DST: variants seen among roughly 807,000 people sequenced by gnomAD.
The protein encoded by DST is dystonin.
A neutral mutation model predicts 875.2 loss-of-function variants in DST; 253 were observed. The ratio of observed to expected loss-of-function variants is 0.29; its 90% CI spans 0.26 to 0.32. The LOEUF (loss-of-function observed/expected upper bound fraction) is 0.32, where lower values mean the gene tolerates loss of function less well. Among genes scored for constraint, DST ranks in the 10% least tolerant of loss-of-function variants. The pLI, the probability that DST is intolerant of heterozygous loss-of-function variation, is 1.00. For synonymous variants in DST, 3,124 were observed against 3,197.1 expected, an observed-to-expected ratio of 0.98 and a Z score of 0.77; for missense variants, 8,287 against 9,111.6, an observed-to-expected ratio of 0.91 and a Z score of 3.68.
intron 4 of DST, among the ~76,000 whole-genome samples, chr6:56,817,511 A>G (rs771597114): frequency 2.0e-5 from 3 of 152,214 alleles, no homozygotes; most frequent in South Asian, 2.1e-4. Context: ...TTTTGTTTCA[A>G]TAGCCTTAGC....
At position 56,494,134 on chromosome 6, in the gene DST, A is replaced by C; in HGVS notation, c.20270T>G (p.Leu6757Arg). Residue 6757 changes from leucine to arginine, a missense_variant, in exon 83 of 104, where the codon CTG (leucine) becomes CGG (arginine). By Grantham distance (102) the Leu-to-Arg change is moderately radical. This residue lies in a region of DST where 1,292 missense variants were observed against 1,552.7 expected (regional missense o/e 0.83). Transcript: ENST00000680361. ...AAGCATCTGCTGGCCTTTCTGCATCAGACTCTTATATGTTTCTTCTTTAGC... is the reference window on the plus strand; with the variant it reads ...AAGCATCTGCTGGCCTTTCTGCATCCGACTCTTATATGTTTCTTCTTTAGC... The part of the protein sequence containing the change: ...FEAKEETYKS[L>R]MQKGQQMLAR... 6.2e-7 allele frequency: 1 copy of C among 1,611,610 alleles called. No homozygotes were observed.
chr6:56,631,530 A>T, intron 29 of DST, 141 bp from the exon 30 acceptor site: 1 of 724,868 alleles, frequency 1.4e-6, no homozygotes, highest in Non-Finnish European at 2.3e-6. Flanking sequence ...TATCAAAGAA[A>T]CTACATCATA....
intron 54 of DST, among the ~76,000 whole-genome samples, chr6:56,569,158 T>TA (rs34813098): frequency 1.0e-4 from 15 of 150,702 alleles, no homozygotes; most frequent in East Asian, 7.8e-4. Flanking sequence ...CTGTCTCTAC[T>TA]AAAAAAAATA....
chr6:56,552,429 T>A lies in DST; in HGVS notation c.16363A>T (p.Thr5455Ser), dbSNP rs1348429203. The A allele has an allele frequency of 6.2e-7, 1 of 1,613,894 alleles. No individual in the cohort carries two copies. Among genetic ancestry groups the A allele is most frequent in the African/African-American group, 1.3e-5 (1 of 75,020 alleles). ...TCKMMLATEE[T>S]SPDLVGIKRD... ...TTGATTCCAACAAGGTCAGGAGAGG[T>A]TTCTTCTGTGGCTAACATCATCTTG... Residue 5455 changes from threonine (T) to serine (S), a missense_variant, in exon 61 of 104, where the codon ACC (threonine) becomes TCC (serine). By Grantham distance (58) the Thr-to-Ser change is moderately conservative. This residue lies in a region of DST where 777 missense variants were observed against 764.8 expected (regional missense o/e 1.02). Coordinates refer to ENST00000680361, the MANE Select transcript of DST (RefSeq NM_001374736.1).
rs545659709 is a variant in DST at position 56,611,518 on chromosome 6, G to T, written c.5137C>A (p.His1713Asn). The T allele has an allele frequency of 6.2e-7, 1 of 1,610,620 alleles. No homozygotes were observed. The highest frequency in any genetic ancestry group is 8.5e-7 in the Non-Finnish European group (1 of 1,177,550). Reference protein sequence around the residue: ...LQTIQLFLAKHGDKMTDEERN... With the variant: ...LQTIQLFLAKNGDKMTDEERN... ...CTACAACCAACATACTTGTCTCCAT[G>T]TTTTGCCAAAAAAAGCTGTATAGTT... The change falls in exon 38 of 104, where the codon CAT becomes AAT. Residue 1713 changes from histidine to asparagine, a missense_variant. His to Asn is a moderately conservative substitution (Grantham distance 68, BLOSUM62 1). Coordinates refer to ENST00000680361, the MANE Select transcript of DST (RefSeq NM_001374736.1).
In DST at chr6:56,492,233, G is replaced by T; in HGVS notation, c.20751C>A (p.Ala6917=). The T allele has an allele frequency of 6.2e-7, 1 of 1,613,404 alleles. No individual in the cohort carries two copies. Among genetic ancestry groups the T allele is most frequent in the East Asian group, 2.2e-5 (1 of 44,854 alleles). The change falls in exon 85 of 104, where the codon GCC becomes GCA. Residue 6917 remains alanine (A), a synonymous_variant. Transcript: ENST00000680361. ...TTTTCTAAAGGGTTATTACCTGCTT[G>T]GCTCTCTTCCTTGCATCATCCAAAG... is the stretch of plus-strand genomic sequence containing the variant. ...GRSLDDARKR[A]KQFHEAWSKL...
In DST at chr6:56,595,826, G is replaced by A. The variant is rs114603468; in HGVS notation, c.12196-1633C>T. Among the ~76,000 whole-genome samples the A allele has an allele frequency of 7.5e-3, 1,102 of 146,688 alleles. 13 individuals are homozygous for A. The highest frequency in any genetic ancestry group is 0.028 in the African/African-American group (1,042 of 36,608). On this transcript the variant is annotated intron_variant, in intron 47 of 103. Coordinates refer to ENST00000680361, the MANE Select transcript of DST (RefSeq NM_001374736.1). ...GGCTTTGCACAAAATAGCATGGACA[G>A]ACATATGCAACACCATATAAATGAT...
intron 54 of DST, among the ~76,000 whole-genome samples, chr6:56,569,234 A>G (rs528494385): frequency 8.6e-5 from 13 of 151,492 alleles, no homozygotes; most frequent in African/African-American, 3.1e-4. Flanking sequence ...CTGAGGCAGG[A>G]GAATGGCGTG....
At chr6:56,614,329 T>G (rs2098590697) in intron 37 of DST, 27 bp downstream of exon 37, 1 of 1,565,940 alleles carries the variant, frequency 6.4e-7, no homozygotes. Context: ...ATTATTATTA[T>G]TATTAAACCA....
chr6:56,751,577 C>G (rs1248852116), intron 4 of DST, among the ~76,000 whole-genome samples: 1 of 152,120 alleles, frequency 6.6e-6, no homozygotes, highest in African/African-American at 2.4e-5. Flanking sequence ...AGGGTTAAAG[C>G]TGCAATCCCA....
At chr6:56,540,753 C>T (rs1045521830) in intron 61 of DST, 1 of 152,602 alleles carries the variant, frequency 6.6e-6, no homozygotes, top group African/African-American at 2.4e-5. Flanking sequence ...TCGTGGATTT[C>T]CCTTTGACCA....
At chr6:56,848,166 GA>G (rs2099809227) in intron 4 of DST, among the ~76,000 whole-genome samples, 1 of 152,068 alleles carries the variant, frequency 6.6e-6, no homozygotes, top group Non-Finnish European at 1.5e-5. Flanking sequence ...AATCTCTTTT[GA>G]AACTATGACT....
intron 9 of DST, among the ~76,000 whole-genome samples, chr6:56,679,515 C>T (rs1413842020): frequency 6.6e-6 from 1 of 150,804 alleles, no homozygotes; most frequent in Admixed American, 6.6e-5. Flanking sequence ...GTAATCCCAA[C>T]ACTTTGGGAG....
Position 56,557,206 on chromosome 6 carries a change from A to C in DST, c.14640+113T>G. ...TCTGAAACATTACATATATACTTCAAAGCAGTTAAATAAAACACCTACTGA... is the reference window on the plus strand; with the variant it reads ...TCTGAAACATTACATATATACTTCACAGCAGTTAAATAAAACACCTACTGA... On this transcript the variant is annotated intron_variant, in intron 59 of 103. Transcript: ENST00000680361. 3.2e-6 allele frequency: 3 copies of C among 924,960 alleles called. No individual in the cohort carries two copies. In the South Asian group the frequency reaches 4.8e-5, roughly 15 times the overall value. 57.3% of individuals were successfully genotyped at this position (924,960 alleles called of 1,614,324 possible).
intron 44 of DST, among the ~76,000 whole-genome samples, chr6:56,600,670 C>T (rs1438167013): frequency 6.6e-6 from 1 of 152,056 alleles, no homozygotes; most frequent in Admixed American, 6.6e-5. Context: ...ATAAAAGGAA[C>T]ATTGCATGCA....
Position 56,535,126 on chromosome 6 carries a change from T to G in DST, c.16937A>C (p.Gln5646Pro). ...FKVVKAQIQE[Q>P]KLLQRLLDDR... ...ACAAAAGCATGACTAACTTACCTTT[T>G]GTTCTTGTATCTGGGCCTTTACCAC... The change falls in exon 63 of 104, where the codon CAA (glutamine) becomes CCA (proline). Residue 5646 changes from glutamine to proline, a missense_variant. By Grantham distance (76) the Gln-to-Pro change is moderately conservative. Around this residue, in one of 10 missense-constraint regions of DST, gnomAD observed 777 missense variants for 764.8 expected, o/e 1.02. Coordinates refer to ENST00000680361, the MANE Select transcript of DST (RefSeq NM_001374736.1). 1 of 1,613,244 alleles carries G rather than the reference T, an allele frequency of 6.2e-7. No homozygotes were observed. The highest frequency in any genetic ancestry group is 8.5e-7 in the Non-Finnish European group (1 of 1,179,714).
intron 5 of DST, among the ~76,000 whole-genome samples, chr6:56,733,491 T>G: frequency 6.6e-6 from 1 of 152,180 alleles, no homozygotes; most frequent in South Asian, 2.1e-4. Context: ...GTACTATGCT[T>G]TATGCTTATT....
Position 56,485,410 on chromosome 6 carries a change from G to C in DST, c.21109C>G (p.Leu7037Val). The change falls in exon 88 of 104, where the codon CTC (leucine) becomes GTC (valine). Residue 7037 changes from leucine to valine, a missense_variant. Leu to Val is a conservative substitution (Grantham distance 32, BLOSUM62 1). Coordinates refer to ENST00000680361, the MANE Select transcript of DST (RefSeq NM_001374736.1). ...TCAACTCTATATAACCAATCAATGA[G>C]AGCCTGTAGGGCATCTGTGAATTGT... is the stretch of plus-strand genomic sequence containing the variant. ...SGQFTDALQA[L>V]IDWLYRVEPQ... 1 of 1,613,934 alleles carries C rather than the reference G, an allele frequency of 6.2e-7. No homozygotes were observed. The highest frequency in any genetic ancestry group is 2.2e-5 in the East Asian group (1 of 44,862).
At chr6:56,896,979 A>G (rs2127680563) in intron 3 of DST, among the ~76,000 whole-genome samples, 1 of 152,226 alleles carries the variant, frequency 6.6e-6, no homozygotes, top group East Asian at 1.9e-4. Context: ...TTAAGCCCCA[A>G]CTATTTATCT....
Sources: allele counts gnomAD v4.1 joint callset (sites outside exome capture counted in the v4.1 genomes callset), GRCh38; gene constraint gnomAD v4.1.1; regional missense constraint gnomAD v4.1.1; transcripts MANE v1.5; gene names NCBI Gene and HGNC (gene_info 2026-07-23, HGNC 2026-07-21).